The following ADTRP variants were observed in gnomAD, a reference collection of about 807,000 sequenced individuals.
ADTRP encodes androgen-dependent TFPI-regulating protein.
Under a neutral mutation model 27.0 loss-of-function variants are expected in ADTRP, and 20 were observed. The ratio of observed to expected loss-of-function variants is 0.74; its 90% CI spans 0.52 to 1.08. The LOEUF (loss-of-function observed/expected upper bound fraction) is 1.08, where lower values mean the gene tolerates loss of function less well. Among genes scored for constraint, ADTRP ranks in the 50% least tolerant of loss-of-function variants. The pLI, the probability that ADTRP is intolerant of heterozygous loss-of-function variation, is 0.00. For synonymous variants in ADTRP, 101 were observed against 105.2 expected, an observed-to-expected ratio of 0.96 and a Z score of 0.25; for missense variants, 251 against 275.0, an observed-to-expected ratio of 0.91 and a Z score of 0.62.
chr6:11,739,463 T>C (rs2113911944), intron 3 of ADTRP, among the ~76,000 whole-genome samples: 1 of 152,280 alleles, frequency 6.6e-6, no homozygotes, highest in East Asian at 1.9e-4. Context: ...CCCACCATCC[T>C]CCATAAAATG....
intron 3 of ADTRP, among the ~76,000 whole-genome samples, chr6:11,744,565 C>T (rs1762810290): frequency 6.6e-6 from 1 of 152,186 alleles, no homozygotes; most frequent in African/African-American, 2.4e-5. Flanking sequence ...ACTCACTGGT[C>T]TGTGGCTCTA....
At chr6:11,719,803 C>T (rs915609769) in intron 5 of ADTRP, among the ~76,000 whole-genome samples, 1 of 152,170 alleles carries the variant, frequency 6.6e-6, no homozygotes, top group African/African-American at 2.4e-5. Flanking sequence ...GTAGCTGTTA[C>T]CTTTAATCAC....
At chr6:11,721,192 A>G (rs186053030) in intron 5 of ADTRP, among the ~76,000 whole-genome samples, 3 of 152,328 alleles carry the variant, frequency 2.0e-5, no homozygotes, top group Admixed American at 2.0e-4. Context: ...GTTGAAATGC[A>G]TGAGTATGAA....
At chr6:11,769,918 A>G in intron 1 of ADTRP, 1 of 1,173,016 alleles carries the variant, frequency 8.5e-7, no homozygotes. Context: ...TTTATTCATT[A>G]CTTGGTATGT....
At chr6:11,714,583 G>A (rs1386112014) in intron 5 of ADTRP, 71 bp from the exon 6 acceptor site, 7 of 1,541,450 alleles carry the variant, frequency 4.5e-6, no homozygotes, top group Non-Finnish European at 5.3e-6. Context: ...GTTGTGGGTA[G>A]AGATTCACTC....
chr6:11,757,740 T>C (rs1261196704), intron 3 of ADTRP, among the ~76,000 whole-genome samples: 1 of 152,112 alleles, frequency 6.6e-6, no homozygotes, highest in Non-Finnish European at 1.5e-5. Flanking sequence ...GAGACAGCAG[T>C]GATGTGTCTA....
chr6:11,762,378 C>T (rs145822572), intron 3 of ADTRP, among the ~76,000 whole-genome samples: 2 of 152,354 alleles, frequency 1.3e-5, no homozygotes, highest in African/African-American at 4.8e-5. Context: ...TTAGACTCAA[C>T]CAGATTTAAG....
intron 3 of ADTRP, among the ~76,000 whole-genome samples, chr6:11,749,785 A>G (rs543403210): frequency 6.6e-6 from 1 of 152,302 alleles, no homozygotes; most frequent in Admixed American, 6.5e-5. Flanking sequence ...AATAGATCCT[A>G]AGTACAGGTC....
intron 2 of ADTRP, 39 bp from the exon 3 acceptor site, chr6:11,766,414 G>T: frequency 6.9e-7 from 1 of 1,459,836 alleles, no homozygotes; most frequent in Non-Finnish European, 9.5e-7. Flanking sequence ...CATTAGGCTT[G>T]TTTTTAATCA....
intron 1 of ADTRP, among the ~76,000 whole-genome samples, chr6:11,769,288 G>T (rs1271693840): frequency 6.6e-6 from 1 of 152,104 alleles, no homozygotes; most frequent in East Asian, 1.9e-4. Flanking sequence ...TGCTTTTAGG[G>T]TATAAGTCAG....
intron 3 of ADTRP, among the ~76,000 whole-genome samples, chr6:11,749,939 A>T (rs1456049069): frequency 6.6e-6 from 1 of 152,136 alleles, no homozygotes; most frequent in Non-Finnish European, 1.5e-5. Flanking sequence ...AGGGCTCAGG[A>T]AAATGAAGCT....
chr6:11,768,493 G>T, intron 1 of ADTRP, 110 bp from the exon 2 acceptor site: 2 of 1,410,130 alleles, frequency 1.4e-6, no homozygotes, highest in African/African-American at 2.9e-5. Flanking sequence ...AGAGGGAGAG[G>T]GCTGTTGGGT....
At chr6:11,754,527 G>A (rs1763154991) in intron 3 of ADTRP, among the ~76,000 whole-genome samples, 1 of 152,158 alleles carries the variant, frequency 6.6e-6, no homozygotes, top group African/African-American at 2.4e-5. Flanking sequence ...GTAATACATG[G>A]GCAAGTGTAA....
intron 4 of ADTRP, among the ~76,000 whole-genome samples, chr6:11,727,338 G>A (rs1447727814): frequency 6.7e-6 from 1 of 150,338 alleles, no homozygotes; most frequent in Non-Finnish European, 1.5e-5. Context: ...TTTAAGATAT[G>A]CGTTCCATGG....
chr6:11,752,275 A>G (rs1763082696), intron 3 of ADTRP, among the ~76,000 whole-genome samples: 1 of 152,152 alleles, frequency 6.6e-6, no homozygotes, highest in Non-Finnish European at 1.5e-5. Context: ...TGTCTTATGA[A>G]ATATTTTTTT....
intron 5 of ADTRP, among the ~76,000 whole-genome samples, chr6:11,722,711 T>C (rs901479031): frequency 1.3e-5 from 2 of 152,014 alleles, no homozygotes; most frequent in Non-Finnish European, 2.9e-5. Flanking sequence ...TTAAGATGAT[T>C]TTTTTTTCTT....
intron 3 of ADTRP, among the ~76,000 whole-genome samples, chr6:11,755,570 G>A (rs2235401): frequency 0.32 from 48,525 of 151,944 alleles, 9,271 homozygotes; most frequent in East Asian, 0.65. Flanking sequence ...AGGCAAAATG[G>A]CTTTATTGTG....
At chr6:11,766,675 T>C (rs989220739) in intron 2 of ADTRP, among the ~76,000 whole-genome samples, 2 of 152,210 alleles carry the variant, frequency 1.3e-5, no homozygotes, top group Admixed American at 1.3e-4. Flanking sequence ...TCCCAGACCA[T>C]TAGTCATTTA....
intron 4 of ADTRP, among the ~76,000 whole-genome samples, chr6:11,726,884 A>C (rs903848736): frequency 6.6e-6 from 1 of 152,216 alleles, no homozygotes; most frequent in Non-Finnish European, 1.5e-5. Context: ...GGTCATATAA[A>C]TGTAGGGTTG....
Sources: gnomAD v4.1 joint callset for allele counts (sites outside exome capture counted in the v4.1 genomes callset) on GRCh38, gnomAD v4.1.1 for gene constraint, MANE v1.5 for transcripts, NCBI Gene and HGNC (gene_info 2026-07-23, HGNC 2026-07-21) for gene names.